The following AP1B1 variants were observed in gnomAD, a reference collection of about 807,000 sequenced individuals.
AP1B1 encodes the protein adaptor related protein complex 1 subunit beta 1, also known as AP-1 complex subunit beta-1.
In AP1B1, 36 loss-of-function variants were observed where a neutral mutation model predicts 104.3. That is an observed-to-expected ratio of 0.35 (90% CI 0.26 to 0.46). The LOEUF (loss-of-function observed/expected upper bound fraction) is 0.46, where lower values mean the gene tolerates loss of function less well. AP1B1 is among the 20% of genes least tolerant of loss of function. The probability of loss-of-function intolerance (pLI) is 1.00; values close to 1 mark genes in which losing one functional copy is unlikely to be tolerated. For synonymous variants in AP1B1, 504 were observed against 517.5 expected, an observed-to-expected ratio of 0.97 and a Z score of 0.35; for missense variants, 901 against 1,247.9, an observed-to-expected ratio of 0.72 and a Z score of 4.19.
chr22:29,364,772 G>A (rs2062106565), intron 2 of AP1B1, among the ~76,000 whole-genome samples: 1 of 148,772 alleles, frequency 6.7e-6, no homozygotes, highest in African/African-American at 2.5e-5. Flanking sequence ...GCAGCGGTGC[G>A]ATCTCGGCTC....
rs753900951 is a variant in AP1B1, at chr22:29,359,938, G to A, written c.165C>T (p.Val55=). ...CCAGGTTGTCCGTCTGCATGCAGTT[G>A]ACCACATCGGGGAAGAGGGCACTGG... ...KDVSALFPDV[V]NCMQTDNLEL... is the part of the protein sequence containing the mutation. Residue 55 remains valine (V), a synonymous_variant, in exon 4 of 23, where the codon GTC becomes GTT. Transcript: ENST00000357586. 6.2e-7 allele frequency: 1 copy of A among 1,613,664 alleles called. No individual in the cohort carries two copies. The highest frequency in any genetic ancestry group is 8.5e-7 in the Non-Finnish European group (1 of 1,179,810).
chr22:29,337,706 G>A (rs566104228), intron 16 of AP1B1, among the ~76,000 whole-genome samples: 8 of 152,244 alleles, frequency 5.3e-5, no homozygotes, highest in African/African-American at 7.2e-5. Context: ...TGCCAGGCCC[G>A]CATGTCCTCA....
chr22:29,358,914 T>G lies in AP1B1; in HGVS notation c.337A>C (p.Ile113Leu). 1 of 1,613,064 alleles carries G rather than the reference T, an allele frequency of 6.2e-7. No individual in the cohort carries two copies. Among genetic ancestry groups the G allele is most frequent in the Non-Finnish European group, 8.5e-7 (1 of 1,179,654 alleles). The change falls in exon 5 of 23, where the codon ATC becomes CTC. Residue 113 changes from isoleucine (I) to leucine (L), a missense_variant. By Grantham distance (5) the Ile-to-Leu change is conservative. This residue lies in a region of AP1B1 where 471 missense variants were observed against 696.7 expected (regional missense o/e 0.68). Coordinates refer to ENST00000357586, the MANE Select transcript of AP1B1 (RefSeq NM_001127.4). ...TACTCTGTGATCTTGTCAACGCGGA[T>G]GCAGCCCATGGTCCGCACTGCCAGG... ...RALAVRTMGC[I>L]RVDKITEYLC... is the part of the protein sequence containing the mutation.
chr22:29,355,256 T>A (rs866477503), intron 6 of AP1B1, among the ~76,000 whole-genome samples: 1 of 146,984 alleles, frequency 6.8e-6, no homozygotes, highest in Non-Finnish European at 1.5e-5. Flanking sequence ...AAAAATAGCA[T>A]GTTCAGCCTG....
intron 16 of AP1B1, among the ~76,000 whole-genome samples, chr22:29,335,092 C>G (rs2061619161): frequency 6.6e-6 from 1 of 152,204 alleles, no homozygotes; most frequent in Non-Finnish European, 1.5e-5. Flanking sequence ...ACTCAGAGAG[C>G]TCGCTGAGGG....
chr22:29,382,448 A>T (rs1475457705), intron 1 of AP1B1, among the ~76,000 whole-genome samples: 1 of 152,194 alleles, frequency 6.6e-6, no homozygotes, highest in Non-Finnish European at 1.5e-5. Flanking sequence ...ACACTTCTAC[A>T]TGTTGGGAAT....
intron 1 of AP1B1, among the ~76,000 whole-genome samples, chr22:29,377,810 CAAAAAA>C (rs34461211): frequency 1.3e-5 from 1 of 76,668 alleles, no homozygotes; most frequent in Non-Finnish European, 2.7e-5. Flanking sequence ...GACTCTGTCT[CAAAAAA>C]AAAAAAAAAA....
chr22:29,334,530 C>G, intron 16 of AP1B1, 120 bp from the exon 17 acceptor site: 2 of 1,123,898 alleles, frequency 1.8e-6, no homozygotes, highest in Non-Finnish European at 2.4e-6. Context: ...AGATCCAGCA[C>G]CCCCACCTTT....
At chr22:29,375,739 T>C (rs1320093561) in intron 1 of AP1B1, among the ~76,000 whole-genome samples, 1 of 152,184 alleles carries the variant, frequency 6.6e-6, no homozygotes, top group Non-Finnish European at 1.5e-5. Context: ...TGGGCCTGCC[T>C]TTCTCCAAAT....
chr22:29,346,017 G>A (rs569148972), intron 11 of AP1B1, among the ~76,000 whole-genome samples: 1 of 152,198 alleles, frequency 6.6e-6, no homozygotes, highest in Non-Finnish European at 1.5e-5. Context: ...TTTGAACTGT[G>A]TTGTGAACCA....
At chr22:29,361,552 C>T (rs1048886304) in intron 3 of AP1B1, among the ~76,000 whole-genome samples, 5 of 152,128 alleles carry the variant, frequency 3.3e-5, no homozygotes, top group Non-Finnish European at 7.4e-5. Flanking sequence ...TAAGGAACTA[C>T]TGAGAAAACA....
chr22:29,362,119 C>G (rs1569161551), intron 3 of AP1B1, among the ~76,000 whole-genome samples: 1 of 152,120 alleles, frequency 6.6e-6, no homozygotes, highest in Admixed American at 6.5e-5. Flanking sequence ...GATGGGAAGA[C>G]AAGCTGGGTC....
chr22:29,351,664 C>T, intron 8 of AP1B1, 41 bp downstream of exon 8: 1 of 1,609,000 alleles, frequency 6.2e-7, no homozygotes, highest in South Asian at 1.1e-5. Flanking sequence ...GTGGAATGGT[C>T]CCACACTGAG....
intron 3 of AP1B1, among the ~76,000 whole-genome samples, chr22:29,361,289 G>T (rs372021200): frequency 6.6e-6 from 1 of 152,168 alleles, no homozygotes; most frequent in African/African-American, 2.4e-5. Context: ...CTTGGGGGGC[G>T]ATCCATGGGG....
intron 1 of AP1B1, among the ~76,000 whole-genome samples, chr22:29,373,057 G>A (rs940660706): frequency 4.6e-5 from 7 of 152,170 alleles, no homozygotes; most frequent in African/African-American, 9.7e-5. Flanking sequence ...AGGCCAAGGC[G>A]GACAAATTGC....
Position 29,334,259 on chromosome 22 carries a change from T to C in AP1B1, c.2309+6A>G. ...GAGAGGTGCGCTGGCCTCAGGGAGC[T>C]CTCACCTGTTGCGGTTGAACTGGAT... On this transcript the variant is annotated splice_donor_region_variant and intron_variant, in intron 17 of 22. Transcript: ENST00000357586. 1 of 1,589,406 alleles carries C rather than the reference T, an allele frequency of 6.3e-7. No individual in the cohort carries two copies. The highest frequency in any genetic ancestry group is 8.6e-7 in the Non-Finnish European group (1 of 1,169,372).
At chr22:29,339,698 A>C in intron 15 of AP1B1, 56 bp downstream of exon 15, 1 of 1,594,168 alleles carries the variant, frequency 6.3e-7, no homozygotes, top group South Asian at 1.1e-5. Flanking sequence ...ATGCTGGGCC[A>C]GCGCTTTCGG....
intron 1 of AP1B1, 100 bp downstream of exon 1, chr22:29,388,324 G>A: frequency 6.6e-6 from 1 of 152,522 alleles, no homozygotes; most frequent in Non-Finnish European, 1.5e-5. Context: ...GCAGCGCCGC[G>A]TCCTCTTCAT....
At chr22:29,360,004 GAAGA>G (rs2062019617) in intron 3 of AP1B1, 45 bp from the exon 4 acceptor site, 11 of 1,588,824 alleles carry the variant, frequency 6.9e-6, no homozygotes, top group Non-Finnish European at 7.7e-6. Flanking sequence ...CTGAACAAAG[GAAGA>G]GGAAGATTTT....
Sources: gnomAD v4.1 joint callset for allele counts (sites outside exome capture counted in the v4.1 genomes callset) on GRCh38, gnomAD v4.1.1 for gene constraint, gnomAD v4.1.1 regional missense constraint, MANE v1.5 for transcripts, NCBI Gene and HGNC (gene_info 2026-07-23, HGNC 2026-07-21) for gene names.